The following HCRTR2 variants were observed in gnomAD, a reference collection of about 807,000 sequenced individuals.
The protein encoded by HCRTR2 is orexin receptor type 2.
Under a neutral mutation model 49.0 loss-of-function variants are expected in HCRTR2, and 22 were observed. That is an observed-to-expected ratio of 0.45 (90% confidence interval 0.32 to 0.64). The LOEUF (loss-of-function observed/expected upper bound fraction) is 0.64, where lower values mean the gene tolerates loss of function less well. Among genes scored for constraint, HCRTR2 ranks in the 30% least tolerant of loss-of-function variants. The pLI is 0.04. For synonymous variants in HCRTR2, 236 were observed against 205.3 expected (o/e 1.15, Z -1.28); for missense variants, 491 against 559.4 (o/e 0.88, Z 1.23).
intron 1 of HCRTR2, among the ~76,000 whole-genome samples, chr6:55,201,219 G>T (rs1315674775): frequency 6.6e-6 from 1 of 151,992 alleles, no homozygotes; most frequent in Non-Finnish European, 1.5e-5. Flanking sequence ...TTTCTTTGGT[G>T]CCATTTGTCC....
At chr6:55,247,408 C>G (rs1342070447) in intron 1 of HCRTR2, among the ~76,000 whole-genome samples, 1 of 152,082 alleles carries the variant, frequency 6.6e-6, no homozygotes, top group African/African-American at 2.4e-5. Flanking sequence ...GCTTATGAAA[C>G]TATTAATAAA....
At chr6:55,257,689 A>G (rs1366412732) in intron 3 of HCRTR2, among the ~76,000 whole-genome samples, 1 of 151,878 alleles carries the variant, frequency 6.6e-6, no homozygotes, top group East Asian at 1.9e-4. Flanking sequence ...TTCTACTCTG[A>G]TATTTTATTA....
chr6:55,202,955 T>C (rs1326237209), intron 1 of HCRTR2, among the ~76,000 whole-genome samples: 1 of 152,196 alleles, frequency 6.6e-6, no homozygotes, highest in Non-Finnish European at 1.5e-5. Flanking sequence ...GTGTAATATT[T>C]GGTTCCACAT....
chr6:55,126,924 C>G (rs755584230), intron 1 of HCRTR2, among the ~76,000 whole-genome samples: 6 of 152,128 alleles, frequency 3.9e-5, no homozygotes, highest in Non-Finnish European at 8.8e-5. Flanking sequence ...CTCTACCAAG[C>G]TCAAGAGTCC....
intron 1 of HCRTR2, among the ~76,000 whole-genome samples, chr6:55,245,383 A>G (rs1766413928): frequency 6.9e-6 from 1 of 143,952 alleles, no homozygotes; most frequent in East Asian, 2.0e-4. Context: ...ATATATATAT[A>G]TATGTATATA....
chr6:55,165,872 T>TA (rs1365255852), intron 1 of HCRTR2, among the ~76,000 whole-genome samples: 1 of 148,772 alleles, frequency 6.7e-6, no homozygotes, highest in Non-Finnish European at 1.5e-5. Context: ...CCAAAGTACA[T>TA]ACACAAATGA....
intron 1 of HCRTR2, among the ~76,000 whole-genome samples, chr6:55,162,318 G>T (rs994757035): frequency 2.6e-5 from 4 of 152,160 alleles, no homozygotes; most frequent in Non-Finnish European, 5.9e-5. Context: ...CAATAAGCTA[G>T]GTATCGATGC....
intron 2 of HCRTR2, among the ~76,000 whole-genome samples, chr6:55,253,167 T>C (rs1323695852): frequency 6.6e-6 from 1 of 151,498 alleles, no homozygotes; most frequent in East Asian, 1.9e-4. Context: ...TTGATAAGAA[T>C]CTTATCCTGT....
intron 4 of HCRTR2, among the ~76,000 whole-genome samples, chr6:55,269,230 C>A (rs1766924700): frequency 6.6e-6 from 1 of 152,000 alleles, no homozygotes; most frequent in South Asian, 2.1e-4. Flanking sequence ...GCATATTTAT[C>A]CCATTTGCAC....
intron 1 of HCRTR2, among the ~76,000 whole-genome samples, chr6:55,184,038 C>T (rs561528818): frequency 6.6e-6 from 1 of 152,208 alleles, no homozygotes; most frequent in Admixed American, 6.5e-5. Flanking sequence ...AGTGATTCTC[C>T]TGCCTCAGCC....
rs374482507 is a variant in HCRTR2 at position 55,234,566 on chromosome 6, T to G, written c.224-14073T>G. Among the ~76,000 whole-genome samples, 15 of 152,240 alleles carry G rather than the reference T, an allele frequency of 9.9e-5. No individual in the cohort carries two copies. In the East Asian group the frequency reaches 1.7e-3, roughly 18 times the overall value. On this transcript the variant is annotated intron_variant, in intron 1 of 6. Transcript: ENST00000370862. Reference sequence around the variant, plus strand: ...ATTGACCCATAAATGTGGATAAAACTTCTGTAAGATAATGAAAGCCCTAGA... The same window carrying G: ...ATTGACCCATAAATGTGGATAAAACGTCTGTAAGATAATGAAAGCCCTAGA...
intron 1 of HCRTR2, among the ~76,000 whole-genome samples, chr6:55,107,882 T>C (rs1156481072): frequency 6.6e-6 from 1 of 152,162 alleles, no homozygotes; most frequent in Non-Finnish European, 1.5e-5. Flanking sequence ...ATTGTAATAC[T>C]TCATGGGTGT....
At chr6:55,129,933 C>T (rs1367571251) in intron 1 of HCRTR2, among the ~76,000 whole-genome samples, 1 of 151,962 alleles carries the variant, frequency 6.6e-6, no homozygotes, top group Non-Finnish European at 1.5e-5. Context: ...CTGCTTTTCC[C>T]TTACTTTGTA....
chr6:55,241,531 AAAC>A (rs1766332224), intron 1 of HCRTR2, among the ~76,000 whole-genome samples: 1 of 152,168 alleles, frequency 6.6e-6, no homozygotes, highest in South Asian at 2.1e-4. Context: ...TATGTAAATT[AAAC>A]AACCAAGAAA....
At chr6:55,162,208 A>C (rs916189849) in intron 1 of HCRTR2, among the ~76,000 whole-genome samples, 3 of 152,234 alleles carry the variant, frequency 2.0e-5, no homozygotes, top group African/African-American at 7.2e-5. Context: ...AATGTAATTC[A>C]TCACAAAAAC....
chr6:55,268,403 G>A (rs1444533252), intron 4 of HCRTR2, among the ~76,000 whole-genome samples: 1 of 151,930 alleles, frequency 6.6e-6, no homozygotes, highest in Non-Finnish European at 1.5e-5. Flanking sequence ...AAAGGGCATA[G>A]ATTGACATAA....
chr6:55,279,194 A>AT (rs556462651), intron 5 of HCRTR2, among the ~76,000 whole-genome samples: 50 of 151,682 alleles, frequency 3.3e-4, no homozygotes, highest in South Asian at 6.2e-4. Context: ...TACCACACAC[A>AT]TTTTTTTTCA....
chr6:55,133,641 T>A (rs1764390353), intron 1 of HCRTR2, among the ~76,000 whole-genome samples: 1 of 148,034 alleles, frequency 6.8e-6, no homozygotes, highest in Non-Finnish European at 1.5e-5. Flanking sequence ...TATATCTACA[T>A]GTATTTATCT....
chr6:55,116,098 T>C (rs1277582106), intron 1 of HCRTR2, among the ~76,000 whole-genome samples: 6 of 151,636 alleles, frequency 4.0e-5, no homozygotes, highest in Non-Finnish European at 7.4e-5. Flanking sequence ...TATTGGCTTG[T>C]GCTGTGGTAA....
Sources: allele counts gnomAD v4.1 joint callset (sites outside exome capture counted in the v4.1 genomes callset), GRCh38; gene constraint gnomAD v4.1.1; transcripts MANE v1.5; gene names NCBI Gene and HGNC (gene_info 2026-07-23, HGNC 2026-07-21).